CPEB3: variants seen among roughly 807,000 people sequenced by gnomAD.
CPEB3 encodes cytoplasmic polyadenylation element-binding protein 3.
Under a neutral mutation model 67.2 loss-of-function variants are expected in CPEB3, and 20 were observed. The ratio of observed to expected loss-of-function variants is 0.30; its 90% CI spans 0.21 to 0.43. CPEB3 has a LOEUF of 0.43. Among genes scored for constraint, CPEB3 ranks in the 20% least tolerant of loss-of-function variants. The pLI is 1.00. For synonymous variants in CPEB3, 376 were observed against 393.1 expected (o/e 0.96, Z 0.51); for missense variants, 746 against 968.6 (o/e 0.77, Z 3.05).
intron 7 of CPEB3, among the ~76,000 whole-genome samples, chr10:92,105,139 A>G (rs1268546918): frequency 6.6e-6 from 1 of 152,208 alleles, no homozygotes; most frequent in Non-Finnish European, 1.5e-5. Context: ...AAGATTTCCG[A>G]GGTGGGATAT....
At chr10:92,132,524 T>C (rs1845891083) in intron 6 of CPEB3, among the ~76,000 whole-genome samples, 1 of 152,082 alleles carries the variant, frequency 6.6e-6, no homozygotes, top group Non-Finnish European at 1.5e-5. Flanking sequence ...AAGAAGACAT[T>C]AATAAATTTA....
At chr10:92,288,025 A>G (rs1001288907) in intron 1 of CPEB3, among the ~76,000 whole-genome samples, 2 of 152,166 alleles carry the variant, frequency 1.3e-5, no homozygotes. Context: ...TAATGTTTTC[A>G]AGGTTCTTTC....
intron 9 of CPEB3, among the ~76,000 whole-genome samples, chr10:92,059,914 G>A (rs1193551064): frequency 1.4e-5 from 2 of 141,264 alleles, no homozygotes; most frequent in East Asian, 2.1e-4. Context: ...CCAAGATCGC[G>A]CCACTGTAAT....
chr10:92,144,842 T>G, intron 5 of CPEB3, 103 bp downstream of exon 5: 1 of 1,002,608 alleles, frequency 1.0e-6, no homozygotes, highest in East Asian at 2.4e-5. Flanking sequence ...TCCTATGCAC[T>G]AAGATATAGA....
intron 2 of CPEB3, among the ~76,000 whole-genome samples, chr10:92,202,091 AC>A (rs1590374260): frequency 6.6e-6 from 1 of 152,316 alleles, no homozygotes; most frequent in East Asian, 1.9e-4. Flanking sequence ...GATAAAAAAA[AC>A]AAACACACAC....
At chr10:92,172,936 T>C (rs1372373942) in intron 4 of CPEB3, among the ~76,000 whole-genome samples, 2 of 152,192 alleles carry the variant, frequency 1.3e-5, no homozygotes, top group African/African-American at 4.8e-5. Flanking sequence ...TTAAAGCACA[T>C]CTTTTAGGAA....
At chr10:92,136,783 A>T (rs1846120583) in intron 6 of CPEB3, 1 of 152,230 alleles carries the variant, frequency 6.6e-6, no homozygotes, top group Non-Finnish European at 1.5e-5. Context: ...CTGGTCTCGA[A>T]CTCCTGACCT....
At position 92,142,310 on chromosome 10, in the gene CPEB3, A is replaced by G. The variant is rs1199154683; in HGVS notation, c.1453+719T>C. Among the ~76,000 whole-genome samples the G allele has an allele frequency of 2.0e-5, 3 of 152,242 alleles. No individual in the cohort carries two copies. In the East Asian group the frequency reaches 5.8e-4, roughly 29 times the overall value. On this transcript the variant is annotated intron_variant, in intron 6 of 9. Coordinates refer to ENST00000265997, the MANE Select transcript of CPEB3 (RefSeq NM_014912.5). The stretch of plus-strand genomic sequence containing the variant: ...AAGCCATTTTTCTGAAATGAAATGT[A>G]TCCTTGAAGCATATCTACAGAATGT...
intron 2 of CPEB3, among the ~76,000 whole-genome samples, chr10:92,204,503 T>C (rs1849686500): frequency 6.6e-6 from 1 of 152,110 alleles, no homozygotes; most frequent in Non-Finnish European, 1.5e-5. Context: ...TCATTGTCAC[T>C]CCCTGGCCAT....
chr10:92,276,077 T>C (rs1841970253), intron 1 of CPEB3, among the ~76,000 whole-genome samples: 1 of 151,628 alleles, frequency 6.6e-6, no homozygotes, highest in East Asian at 1.9e-4. Context: ...CTCAATCTCC[T>C]GACCTCGTGA....
chr10:92,069,111 A>G (rs1187761407), intron 9 of CPEB3, among the ~76,000 whole-genome samples: 1 of 152,144 alleles, frequency 6.6e-6, no homozygotes, highest in African/African-American at 2.4e-5. Context: ...GAGTCATTGT[A>G]TATATTCCTG....
chr10:92,065,825 G>C (rs534932340), intron 9 of CPEB3, among the ~76,000 whole-genome samples: 1 of 152,122 alleles, frequency 6.6e-6, no homozygotes, highest in Admixed American at 6.6e-5. Context: ...CAGGTGCAGT[G>C]GCTCACACCT....
intron 9 of CPEB3, among the ~76,000 whole-genome samples, chr10:92,075,965 A>G (rs1450966339): frequency 1.3e-5 from 2 of 152,218 alleles, no homozygotes. Context: ...GAAAGTTGCA[A>G]CCTGAGGGGA....
chr10:92,153,716 G>A (rs1359008925), intron 4 of CPEB3, among the ~76,000 whole-genome samples: 3 of 152,190 alleles, frequency 2.0e-5, no homozygotes, highest in African/African-American at 7.2e-5. Context: ...GGGAGGCGGA[G>A]GCTGCAGTGA....
intron 1 of CPEB3, among the ~76,000 whole-genome samples, chr10:92,282,699 G>A (rs925842805): frequency 2.6e-5 from 4 of 151,300 alleles, no homozygotes. Flanking sequence ...AAAAAAGAAA[G>A]AAAAAAACAT....
intron 7 of CPEB3, among the ~76,000 whole-genome samples, chr10:92,104,321 A>T (rs1180792361): frequency 2.0e-5 from 3 of 151,834 alleles, no homozygotes; most frequent in Non-Finnish European, 4.4e-5. Context: ...ATTATCCCTT[A>T]AGGGGTGGCG....
intron 2 of CPEB3, among the ~76,000 whole-genome samples, chr10:92,211,080 A>G (rs561058854): frequency 3.3e-5 from 5 of 152,338 alleles, no homozygotes; most frequent in African/African-American, 7.2e-5. Flanking sequence ...AAAGCTATAA[A>G]CATGAAAGCT....
chr10:92,244,317 A>G (rs1851968954), intron 1 of CPEB3, among the ~76,000 whole-genome samples: 1 of 151,892 alleles, frequency 6.6e-6, no homozygotes, highest in Non-Finnish European at 1.5e-5. Flanking sequence ...ACTGCACTCC[A>G]GCCTGGGTGA....
At position 92,092,440 on chromosome 10, in the gene CPEB3, T is replaced by C. The variant is rs568366717; in HGVS notation, c.1573-496A>G. 2.6e-5 allele frequency among the ~76,000 whole-genome samples: 4 copies of C among 152,290 alleles called. No homozygotes were observed. In the South Asian group the frequency reaches 8.3e-4, roughly 32 times the overall value. ...CAATATGATTTAATACAGACGAACA[T>C]GCAGCAAGTTAGCATAGAATTACCA... On this transcript the variant is annotated intron_variant, in intron 7 of 9. Coordinates refer to ENST00000265997, the MANE Select transcript of CPEB3 (RefSeq NM_014912.5).
Sources: allele counts gnomAD v4.1 joint callset (sites outside exome capture counted in the v4.1 genomes callset), GRCh38; gene constraint gnomAD v4.1.1; transcripts MANE v1.5; gene names NCBI Gene and HGNC (gene_info 2026-07-23, HGNC 2026-07-21).